The following GRM7 variants were observed in gnomAD, a reference collection of about 807,000 sequenced individuals.
GRM7 encodes the protein metabotropic glutamate receptor 7.
A neutral mutation model predicts 84.5 loss-of-function variants in GRM7; 35 were observed. The observed-to-expected ratio is 0.41, with a 90% CI of 0.32 to 0.55. The LOEUF (loss-of-function observed/expected upper bound fraction) is 0.55. GRM7 is among the 20% of genes least tolerant of loss of function. The pLI is 0.19. For missense variants in GRM7, 1,003 were observed against 1,194.6 expected, an observed-to-expected ratio of 0.84 and a Z score of 2.36; for synonymous variants, 487 against 455.1, an observed-to-expected ratio of 1.07 and a Z score of -0.89.
chr3:7,547,103 A>C (rs924498622), intron 7 of GRM7, among the ~76,000 whole-genome samples: 11 of 151,412 alleles, frequency 7.3e-5, no homozygotes, highest in African/African-American at 2.4e-4. Flanking sequence ...CAATTAATTG[A>C]AGTGTTAACT....
intron 1 of GRM7, among the ~76,000 whole-genome samples, chr3:7,075,499 T>C (rs896683001): frequency 0.018 from 831 of 45,508 alleles, 8 homozygotes; most frequent in Non-Finnish European, 0.022. Context: ...TTCTCAGATG[T>C]GTGTGTGTGT....
rs548219900 is a variant in GRM7, at chr3:7,125,425, T to C, written c.520-21027T>C. Among the ~76,000 whole-genome samples, 7 of 152,288 alleles carry C rather than the reference T, an allele frequency of 4.6e-5. No homozygotes were observed. In the East Asian group the frequency reaches 1.4e-3, roughly 29 times the overall value. ...TCCCACTCCCCTCATATGTCTTTCA[T>C]AGAGTATGCATAAGATCAAGATTGC... On this transcript the variant is annotated intron_variant, in intron 1 of 9. Coordinates refer to ENST00000357716, the MANE Select transcript of GRM7 (RefSeq NM_000844.4).
intron 1 of GRM7, among the ~76,000 whole-genome samples, chr3:6,926,704 C>A (rs567918496): frequency 2.0e-5 from 3 of 152,300 alleles, no homozygotes; most frequent in South Asian, 4.1e-4. Flanking sequence ...CCGATGCAAC[C>A]ACCCCTCGGG....
At chr3:7,402,342 T>G (rs563963369) in intron 4 of GRM7, among the ~76,000 whole-genome samples, 2 of 152,192 alleles carry the variant, frequency 1.3e-5, no homozygotes, top group African/African-American at 2.4e-5. Context: ...TGTCTAAAAG[T>G]GTAAGAGGTC....
intron 1 of GRM7, among the ~76,000 whole-genome samples, chr3:6,889,910 G>T (rs1221457276): frequency 4.6e-5 from 7 of 152,232 alleles, no homozygotes; most frequent in African/African-American, 9.6e-5. Flanking sequence ...CAATTTCAGA[G>T]CCTGTTATTG....
At chr3:6,901,220 C>G (rs529477930) in intron 1 of GRM7, among the ~76,000 whole-genome samples, 79 of 152,206 alleles carry the variant, frequency 5.2e-4, no homozygotes, top group Non-Finnish European at 8.7e-4. Context: ...TATTATACAA[C>G]AAGATCCATC....
At chr3:6,931,270 C>G (rs1049658943) in intron 1 of GRM7, among the ~76,000 whole-genome samples, 3 of 152,116 alleles carry the variant, frequency 2.0e-5, no homozygotes, top group African/African-American at 7.2e-5. Context: ...AAGGCTTTGT[C>G]TAGCCATAGT....
chr3:7,478,071 A>G (rs781252211), intron 7 of GRM7, among the ~76,000 whole-genome samples: 18 of 151,714 alleles, frequency 1.2e-4, no homozygotes, highest in African/African-American at 1.7e-4. Flanking sequence ...TGACCCTTCT[A>G]TCTCCCAGCT....
chr3:7,695,754 A>T (rs1559493105), intron 9 of GRM7, among the ~76,000 whole-genome samples: 1 of 152,128 alleles, frequency 6.6e-6, no homozygotes. Flanking sequence ...TGGGGCAGTT[A>T]TTAGGATTAG....
At chr3:7,728,516 T>C (rs1420296557) in intron 9 of GRM7, among the ~76,000 whole-genome samples, 1 of 152,200 alleles carries the variant, frequency 6.6e-6, no homozygotes, top group Non-Finnish European at 1.5e-5. Flanking sequence ...TTCTATCTTA[T>C]CTTACCTACA....
chr3:7,472,660 G>A (rs1239765953), intron 7 of GRM7, among the ~76,000 whole-genome samples: 3 of 152,204 alleles, frequency 2.0e-5, no homozygotes, highest in African/African-American at 7.2e-5. Context: ...CAAGAGGGTA[G>A]TGAGAGATGA....
chr3:7,083,772 T>TA, intron 1 of GRM7, among the ~76,000 whole-genome samples: 1 of 152,266 alleles, frequency 6.6e-6, no homozygotes, highest in South Asian at 2.1e-4. Flanking sequence ...TACTAAATTT[T>TA]AGACGTATTC....
intron 4 of GRM7, among the ~76,000 whole-genome samples, chr3:7,409,292 AT>A (rs1695813598): frequency 6.6e-6 from 1 of 152,144 alleles, no homozygotes; most frequent in Non-Finnish European, 1.5e-5. Context: ...AAAAGTTTGT[AT>A]TTTTATTGAG....
chr3:7,157,601 C>G (rs936319302), intron 2 of GRM7, among the ~76,000 whole-genome samples: 16 of 151,766 alleles, frequency 1.1e-4, no homozygotes, highest in African/African-American at 3.1e-4. Flanking sequence ...TAAAAAGATA[C>G]AAAATGTAAT....
intron 1 of GRM7, among the ~76,000 whole-genome samples, chr3:6,961,591 T>C (rs1693299021): frequency 6.6e-6 from 1 of 152,198 alleles, no homozygotes; most frequent in Admixed American, 6.6e-5. Flanking sequence ...CACTTAACCA[T>C]TCATCCTATC....
intron 7 of GRM7, among the ~76,000 whole-genome samples, chr3:7,544,019 ATTGAT>A (rs1693022141): frequency 6.6e-6 from 1 of 152,208 alleles, no homozygotes; most frequent in South Asian, 2.1e-4. Flanking sequence ...AAAGCTCTTG[ATTGAT>A]TTCAAGCCAG....
intron 4 of GRM7, among the ~76,000 whole-genome samples, chr3:7,329,651 A>C (rs1048981132): frequency 6.6e-6 from 1 of 152,140 alleles, no homozygotes; most frequent in African/African-American, 2.4e-5. Context: ...CAACAGTCTT[A>C]TATTTCTATA....
At chr3:6,983,651 A>G (rs1012381411) in intron 1 of GRM7, among the ~76,000 whole-genome samples, 2 of 152,152 alleles carry the variant, frequency 1.3e-5, no homozygotes, top group African/African-American at 4.8e-5. Context: ...AATTATTATG[A>G]GATATTTTTG....
chr3:6,872,968 G>T (rs765032750), intron 1 of GRM7, among the ~76,000 whole-genome samples: 1 of 152,122 alleles, frequency 6.6e-6, no homozygotes. Flanking sequence ...AATCCTCTGG[G>T]TATATACCCA....
Sources: allele counts gnomAD v4.1 joint callset (sites outside exome capture counted in the v4.1 genomes callset), GRCh38; gene constraint gnomAD v4.1.1; transcripts MANE v1.5; gene names NCBI Gene and HGNC (gene_info 2026-07-23, HGNC 2026-07-21).